ANKRD13A: variants seen among roughly 807,000 people sequenced by gnomAD.
The protein encoded by ANKRD13A is ankyrin repeat domain-containing protein 13A.
ANKRD13A carries 48 observed loss-of-function variants against 81.3 expected under a neutral mutation model. The observed-to-expected ratio is 0.59, with a 90% CI of 0.47 to 0.75. The LOEUF (loss-of-function observed/expected upper bound fraction) is 0.75, where lower values mean the gene tolerates loss of function less well. Among genes scored for constraint, ANKRD13A ranks in the 30% least tolerant of loss-of-function variants. ANKRD13A has a pLI of 0.00. For synonymous variants in ANKRD13A, 230 were observed against 270.1 expected, an observed-to-expected ratio of 0.85 and a Z score of 1.45; for missense variants, 612 against 734.0, an observed-to-expected ratio of 0.83 and a Z score of 1.92.
intron 13 of ANKRD13A, among the ~76,000 whole-genome samples, chr12:110,035,944 T>C (rs1004914281): frequency 6.6e-6 from 1 of 152,158 alleles, no homozygotes; most frequent in African/African-American, 2.4e-5. Context: ...TTTGGTCACT[T>C]GAACTTTGCC....
intron 2 of ANKRD13A, among the ~76,000 whole-genome samples, chr12:110,012,529 AC>A (rs1271349805): frequency 6.6e-6 from 1 of 151,766 alleles, no homozygotes; most frequent in East Asian, 1.9e-4. Context: ...CAGGCCAGAA[AC>A]CCTCGGTAGA....
chr12:110,018,484 A>C lies in ANKRD13A; in HGVS notation c.540A>C (p.Gly180=). The C allele has an allele frequency of 6.2e-7, 1 of 1,613,714 alleles. No individual in the cohort carries two copies. Among genetic ancestry groups the C allele is most frequent in the South Asian group, 1.1e-5 (1 of 91,030 alleles). The change falls in exon 5 of 15, where the codon GGA becomes GGC. Residue 180 remains glycine (G), a synonymous_variant. Transcript: ENST00000261739. The surrounding 1 kb of genome is among the most constrained non-coding windows in gnomAD (Gnocchi z 4.4). ...GGAGGCGTAGTTTTATATTTAAGGG[A>C]GAAGGTGAGTGACTTCTCTTGTAGT... ...IRGRRSFIFK[G]EDNWAELMEV...
At chr12:110,002,831 T>C (rs532040638) in intron 1 of ANKRD13A, among the ~76,000 whole-genome samples, 1 of 152,256 alleles carries the variant, frequency 6.6e-6, no homozygotes, top group African/African-American at 2.4e-5. Flanking sequence ...AGAATCAAGT[T>C]TATCCAGATG....
rs757054501 is a variant in ANKRD13A at position 110,025,797 on chromosome 12, C to T, written c.857C>T (p.Thr286Ile). 3.1e-6 allele frequency: 5 copies of T among 1,613,524 alleles called. No individual in the cohort carries two copies. In the South Asian group the frequency reaches 5.5e-5, roughly 18 times the overall value. The change falls in exon 8 of 15, where the codon ACC (threonine) becomes ATC (isoleucine). Residue 286 changes from threonine to isoleucine, a missense_variant. Coordinates refer to ENST00000261739, the MANE Select transcript of ANKRD13A (RefSeq NM_033121.2). Reference sequence around the variant, plus strand: ...ACCAAAATACGCACAGAACATCTGACCGAGGAGGAAAAAAAGAGATATAAA... The same window carrying T: ...ACCAAAATACGCACAGAACATCTGATCGAGGAGGAAAAAAAGAGATATAAA... Reference protein sequence around the residue: ...VITKIRTEHLTEEEKKRYKAD... With the variant: ...VITKIRTEHLIEEEKKRYKAD...
chr12:110,019,069 C>T (rs778682050), intron 5 of ANKRD13A, 70 bp from the exon 6 acceptor site: 145 of 1,454,658 alleles, frequency 1.0e-4, no homozygotes, highest in Non-Finnish European at 1.2e-4. Context: ...TACATTTTAA[C>T]ATACGAAGCT....
chr12:110,007,041 G>A (rs1364828374), intron 1 of ANKRD13A, among the ~76,000 whole-genome samples: 2 of 152,194 alleles, frequency 1.3e-5, no homozygotes, highest in Admixed American at 6.5e-5. Context: ...ACTCTAAATT[G>A]TATTCCATTG....
intron 1 of ANKRD13A, among the ~76,000 whole-genome samples, chr12:110,009,344 GTGT>G (rs1429060938): frequency 2.0e-5 from 3 of 152,190 alleles, no homozygotes; most frequent in Non-Finnish European, 4.4e-5. Context: ...GCCTCTCAAA[GTGT>G]TGGGATTACA....
Position 110,038,084 on chromosome 12 carries a change from C to T in ANKRD13A, c.*530C>T, listed in dbSNP as rs1426663026. On this transcript the variant is annotated 3_prime_UTR_variant, in exon 15 of 15. Coordinates refer to ENST00000261739, the MANE Select transcript of ANKRD13A (RefSeq NM_033121.2). The stretch of plus-strand genomic sequence containing the variant: ...GGGTTTCTAGGACATTGTCATTATT[C>T]TTCCTCCATCTATCTGATTCCATTC... 1 of 152,628 alleles carries T rather than the reference C, an allele frequency of 6.6e-6. No homozygotes were observed. Among genetic ancestry groups the T allele is most frequent in the African/African-American group, 2.4e-5 (1 of 41,446 alleles). 9.5% of individuals were successfully genotyped at this position (152,628 alleles called of 1,614,324 possible). A position where few individuals can be genotyped will look rare whatever the true frequency, so the allele number is the denominator to read the frequency against.
At position 109,999,827 on chromosome 12, in the gene ANKRD13A, G is replaced by A. The variant is rs2137059552; in HGVS notation, c.96+43G>A. 1.4e-6 allele frequency: 2 copies of A among 1,477,560 alleles called. No homozygotes were observed. The highest frequency in any genetic ancestry group is 1.4e-5 in the African/African-American group (1 of 69,938). The allele number at this position is 1,477,560 out of a possible 1,614,324, so 91.5% of individuals were successfully genotyped here. On this transcript the variant is annotated intron_variant, in intron 1 of 14. Coordinates refer to ENST00000261739, the MANE Select transcript of ANKRD13A (RefSeq NM_033121.2). The surrounding 1 kb of genome is among the most constrained non-coding windows in gnomAD (Gnocchi z 4.3). ...GGTCCGTCTCCCGGTGGGGACTTCG[G>A]GGAATCGGGGGTCGTTTCGCCTCCC...
rs1891283941 is a variant in ANKRD13A at position 110,025,758 on chromosome 12, A to G, written c.818A>G (p.Asn273Ser). Residue 273 changes from asparagine to serine, a missense_variant, in exon 8 of 15, where the codon AAT (asparagine) becomes AGT (serine). By Grantham distance (46) the Asn-to-Ser change is conservative. Transcript: ENST00000261739. ...GYEAKVYTVN[N>S]VNVITKIRTE... Reference sequence around the variant, plus strand: ...ACCTCTCAGGTTTACACAGTAAACAATGTGAATGTGATCACCAAAATACGC... The same window carrying G: ...ACCTCTCAGGTTTACACAGTAAACAGTGTGAATGTGATCACCAAAATACGC... The G allele has an allele frequency of 2.5e-6, 4 of 1,613,266 alleles. No homozygotes were observed. The highest frequency in any genetic ancestry group is 1.1e-5 in the South Asian group (1 of 90,896).
At chr12:110,016,166 C>T (rs548427997) in intron 3 of ANKRD13A, among the ~76,000 whole-genome samples, 39 of 151,756 alleles carry the variant, frequency 2.6e-4, no homozygotes, top group Non-Finnish European at 4.0e-4. Context: ...CCAGGCTGGT[C>T]TCAAACTCCT....
At chr12:110,028,112 A>G in intron 9 of ANKRD13A, 1 of 337,962 alleles carries the variant, frequency 3.0e-6, no homozygotes. Context: ...TGCTCACAGT[A>G]ACTATATGAA....
In ANKRD13A at chr12:110,025,782, G is replaced by A. The variant is rs139619351; in HGVS notation, c.842G>A (p.Arg281His). 4.3e-6 allele frequency: 7 copies of A among 1,613,568 alleles called. No individual in the cohort carries two copies. The highest frequency in any genetic ancestry group is 2.7e-5 in the African/African-American group (2 of 74,954). The stretch of plus-strand genomic sequence containing the variant: ...AATGTGAATGTGATCACCAAAATAC[G>A]CACAGAACATCTGACCGAGGAGGAA... ...VNNVNVITKI[R>H]TEHLTEEEKK... The change falls in exon 8 of 15, where the codon CGC (arginine) becomes CAC (histidine). Residue 281 changes from arginine (R) to histidine (H), a missense_variant. By Grantham distance (29) the Arg-to-His change is conservative. Coordinates refer to ENST00000261739, the MANE Select transcript of ANKRD13A (RefSeq NM_033121.2).
chr12:110,007,827 T>G (rs934783143), intron 1 of ANKRD13A, among the ~76,000 whole-genome samples: 1 of 152,260 alleles, frequency 6.6e-6, no homozygotes, highest in Non-Finnish European at 1.5e-5. Flanking sequence ...TTTGAGTTGC[T>G]CATTACAAGT....
chr12:110,018,523 G>A lies in ANKRD13A; in HGVS notation c.544+35G>A. The A allele has an allele frequency of 6.3e-7, 1 of 1,597,776 alleles. No individual in the cohort carries two copies. The highest frequency in any genetic ancestry group is 8.6e-7 in the Non-Finnish European group (1 of 1,169,312). ...TTCTCTTGTAGTAATCACTGCTCAA[G>A]CAAAATTACAGGGTGATTTTTAACC... is the stretch of plus-strand genomic sequence containing the variant. On this transcript the variant is annotated intron_variant, in intron 5 of 14. Coordinates refer to ENST00000261739, the MANE Select transcript of ANKRD13A (RefSeq NM_033121.2). This position sits in a 1 kb window ranked among gnomAD's most constrained non-coding sequence, Gnocchi z 4.4.
At chr12:110,033,718 C>T in intron 12 of ANKRD13A, 79 bp from the exon 13 acceptor site, 3 of 1,312,058 alleles carry the variant, frequency 2.3e-6, no homozygotes, top group South Asian at 3.7e-5. Context: ...TCTTTTTTTT[C>T]TAATGTACAA....
At chr12:110,023,745 G>T in intron 6 of ANKRD13A, 1 of 275,138 alleles carries the variant, frequency 3.6e-6, no homozygotes, top group Non-Finnish European at 6.9e-6. Flanking sequence ...CACTTCTTTG[G>T]GACTGCTGTC....
intron 1 of ANKRD13A, among the ~76,000 whole-genome samples, chr12:110,010,679 T>C (rs891185999): frequency 3.3e-5 from 5 of 152,238 alleles, no homozygotes; most frequent in Admixed American, 1.3e-4. Flanking sequence ...GGAGGACTTA[T>C]GTTCAGCTAG....
intron 1 of ANKRD13A, among the ~76,000 whole-genome samples, chr12:110,006,032 GTC>G: frequency 6.6e-6 from 1 of 152,276 alleles, no homozygotes; most frequent in East Asian, 1.9e-4. Context: ...GGCCAGGCTG[GTC>G]TTGAACTCCT....
Sources: gnomAD v4.1 joint callset for allele counts (sites outside exome capture counted in the v4.1 genomes callset) on GRCh38, gnomAD v4.1.1 for gene constraint, Gnocchi (gnomAD v3.1) non-coding constraint, MANE v1.5 for transcripts, NCBI Gene and HGNC (gene_info 2026-07-23, HGNC 2026-07-21) for gene names.